The following ITM2B variants were observed in gnomAD, a reference collection of about 807,000 sequenced individuals.
ITM2B encodes ABri/ADan amyloid peptide.
In ITM2B, 11 loss-of-function variants were observed where a neutral mutation model predicts 27.8. The observed-to-expected ratio is 0.40, with a 90% confidence interval of 0.25 to 0.66. The LOEUF (loss-of-function observed/expected upper bound fraction) is 0.66. Among genes scored for constraint, ITM2B ranks in the 30% least tolerant of loss-of-function variants. The pLI, the probability that ITM2B is intolerant of heterozygous loss-of-function variation, is 0.43. For missense variants in ITM2B, 296 were observed against 328.9 expected (o/e 0.90, Z 0.77); for synonymous variants, 114 against 114.3 (o/e 1.00, Z 0.02).
intron 1 of ITM2B, among the ~76,000 whole-genome samples, chr13:48,252,036 G>C (rs1260075558): frequency 6.6e-6 from 1 of 152,060 alleles, no homozygotes; most frequent in Non-Finnish European, 1.5e-5. Context: ...ATAGTATATT[G>C]ACAAGTGCTA....
chr13:48,239,264 G>A (rs1214639062), intron 1 of ITM2B, among the ~76,000 whole-genome samples: 7 of 152,314 alleles, frequency 4.6e-5, no homozygotes, highest in African/African-American at 1.7e-4. Flanking sequence ...AAGCAGAGAA[G>A]GCAAATTCAG....
At chr13:48,250,347 C>A (rs890444483) in intron 1 of ITM2B, among the ~76,000 whole-genome samples, 1 of 152,028 alleles carries the variant, frequency 6.6e-6, no homozygotes, top group African/African-American at 2.4e-5. Flanking sequence ...TGGCCGGGTA[C>A]GGTGGCTCAA....
rs1194423536 is a variant in ITM2B at position 48,269,327 on chromosome 13, T to C, written c.*8103T>C. Reference sequence around the variant, plus strand: ...AAGCTGCTATCATCTCTTGCTTGGATTGGTGCAATGGCCTCACAACTGATC... The same window carrying C: ...AAGCTGCTATCATCTCTTGCTTGGACTGGTGCAATGGCCTCACAACTGATC... On this transcript the variant is annotated 3_prime_UTR_variant, in exon 6 of 6. Transcript: ENST00000647800. 1 of 152,278 alleles carries C rather than the reference T, an allele frequency of 6.6e-6. No homozygotes were observed. The highest frequency in any genetic ancestry group is 2.4e-5 in the African/African-American group (1 of 41,448). The allele number at this position is 152,278 out of a possible 1,614,324, so 9.4% of individuals were successfully genotyped here. A position where few individuals can be genotyped will look rare whatever the true frequency, so the allele number is the denominator to read the frequency against.
At chr13:48,254,011 T>C in intron 2 of ITM2B, 75 bp downstream of exon 2, 1 of 1,430,924 alleles carries the variant, frequency 7.0e-7, no homozygotes, top group Non-Finnish European at 9.8e-7. Context: ...ACAAAATTGT[T>C]TACAACTTGC....
At chr13:48,246,345 C>A (rs1951724637) in intron 1 of ITM2B, among the ~76,000 whole-genome samples, 1 of 152,144 alleles carries the variant, frequency 6.6e-6, no homozygotes. Flanking sequence ...ACGTGGACTT[C>A]CTCACTACAG....
chr13:48,252,532 C>T (rs1055516502), intron 1 of ITM2B, among the ~76,000 whole-genome samples: 3 of 152,164 alleles, frequency 2.0e-5, no homozygotes, highest in South Asian at 4.1e-4. Flanking sequence ...TGAGGTGGAA[C>T]GGTTTCACCC....
At position 48,253,936 on chromosome 13, in the gene ITM2B, A is replaced by G; in HGVS notation, c.246A>G (p.Gln82=). ...GAYLYKYFAL[Q]PDDVYYCGIK... The stretch of plus-strand genomic sequence containing the variant: ...ACTTGTACAAATATTTTGCACTTCA[A>G]GTAAGTGGAAAAATTATTTTGTGTC... The change falls in exon 2 of 6, where the codon CAA becomes CAG. Residue 82 remains glutamine (Q), a splice_region_variant and synonymous_variant. Coordinates refer to ENST00000647800, the MANE Select transcript of ITM2B (RefSeq NM_021999.5). The G allele has an allele frequency of 1.2e-6, 2 of 1,612,770 alleles. No individual in the cohort carries two copies. The highest frequency in any genetic ancestry group is 8.5e-7 in the Non-Finnish European group (1 of 1,179,390).
chr13:48,238,133 A>C (rs1218756577), intron 1 of ITM2B, among the ~76,000 whole-genome samples: 1 of 152,228 alleles, frequency 6.6e-6, no homozygotes, highest in Non-Finnish European at 1.5e-5. Flanking sequence ...GTCTTTTCCA[A>C]AGTAGACAGC....
intron 1 of ITM2B, among the ~76,000 whole-genome samples, chr13:48,252,449 C>A (rs1363207421): frequency 6.6e-6 from 1 of 152,132 alleles, no homozygotes; most frequent in Non-Finnish European, 1.5e-5. Context: ...GAGCGCAAAC[C>A]CTATTGTGAA....
At chr13:48,238,974 C>A (rs1951684447) in intron 1 of ITM2B, among the ~76,000 whole-genome samples, 1 of 152,078 alleles carries the variant, frequency 6.6e-6, no homozygotes, top group Non-Finnish European at 1.5e-5. Context: ...TAACTATTTT[C>A]TCTGCTTATA....
rs1399405503 is a variant in ITM2B, at chr13:48,251,911, A to T, written c.118-1897A>T. 2.0e-5 allele frequency among the ~76,000 whole-genome samples: 3 copies of T among 152,106 alleles called. No homozygotes were observed. In the East Asian group the frequency reaches 5.8e-4, roughly 29 times the overall value. Reference sequence around the variant, plus strand: ...TTCATAATACCTTATGACTCCATGGAATTCTTGTAGCTTTCTTTTCACAGC... The same window carrying T: ...TTCATAATACCTTATGACTCCATGGTATTCTTGTAGCTTTCTTTTCACAGC... On this transcript the variant is annotated intron_variant, in intron 1 of 5. Coordinates refer to ENST00000647800, the MANE Select transcript of ITM2B (RefSeq NM_021999.5).
chr13:48,234,979 A>G (rs1000498979), intron 1 of ITM2B, among the ~76,000 whole-genome samples: 2 of 151,840 alleles, frequency 1.3e-5, no homozygotes, highest in African/African-American at 4.9e-5. Context: ...TCCAGTCACA[A>G]CAGTCTCAAA....
intron 1 of ITM2B, among the ~76,000 whole-genome samples, chr13:48,241,835 G>A (rs962264489): frequency 3.3e-5 from 5 of 152,128 alleles, no homozygotes; most frequent in East Asian, 1.9e-4. Flanking sequence ...TAAACATAGC[G>A]AGAGAATGAA....
intron 1 of ITM2B, among the ~76,000 whole-genome samples, chr13:48,237,763 C>A (rs1335411522): frequency 1.3e-5 from 2 of 152,182 alleles, no homozygotes; most frequent in African/African-American, 4.8e-5. Flanking sequence ...TTTTATCATA[C>A]CATAACTTAA....
At chr13:48,249,293 G>A (rs1951739898) in intron 1 of ITM2B, among the ~76,000 whole-genome samples, 1 of 152,160 alleles carries the variant, frequency 6.6e-6, no homozygotes, top group African/African-American at 2.4e-5. Flanking sequence ...ATGTTTTTGA[G>A]ATTCAGTCCC....
chr13:48,235,808 G>T (rs949122879), intron 1 of ITM2B, among the ~76,000 whole-genome samples: 8 of 152,160 alleles, frequency 5.3e-5, no homozygotes, highest in Admixed American at 3.9e-4. Flanking sequence ...TCCTGAACAA[G>T]AATTTTTCTT....
Position 48,258,883 on chromosome 13 carries a change from CTTTA to C in ITM2B, c.657_660del (p.Tyr220AspfsTer43). 6.2e-7 allele frequency: 1 copy of C among 1,613,336 alleles called. No individual in the cohort carries two copies. The highest frequency in any genetic ancestry group is 8.5e-7 in the Non-Finnish European group (1 of 1,179,342). On this transcript the variant is annotated frameshift_variant, in exon 5 of 6. Coordinates refer to ENST00000647800, the MANE Select transcript of ITM2B (RefSeq NM_021999.5). LOFTEE classifies it high-confidence loss of function. ...TTGAAAACATTGATCACCTGGGTTTCTTTATTTATCGACTGTGTCATGACAAGGA... is the reference window on the plus strand; with the variant it reads ...TTGAAAACATTGATCACCTGGGTTTCTTTATCGACTGTGTCATGACAAGGA...
rs1951849169 is a variant in ITM2B at position 48,265,817 on chromosome 13, T to G, written c.*4593T>G. ...CAGGTGACCCTTCCTCAAGAGAAGA[T>G]TTTCCTGAACCATTAGGAAAGGCTT... On this transcript the variant is annotated 3_prime_UTR_variant, in exon 6 of 6. Transcript: ENST00000647800. The G allele has an allele frequency of 6.6e-6, 1 of 152,202 alleles. No homozygotes were observed. Among genetic ancestry groups the G allele is most frequent in the Non-Finnish European group, 1.5e-5 (1 of 68,036 alleles). 9.4% of individuals were successfully genotyped at this position (152,202 alleles called of 1,614,324 possible). A position where few individuals can be genotyped will look rare whatever the true frequency, so the allele number is the denominator to read the frequency against.
At chr13:48,250,539 A>C (rs1951749727) in intron 1 of ITM2B, among the ~76,000 whole-genome samples, 1 of 151,678 alleles carries the variant, frequency 6.6e-6, no homozygotes, top group Non-Finnish European at 1.5e-5. Flanking sequence ...AATGGTGTGA[A>C]CCCAGGAGGT....
Sources: gnomAD v4.1 joint callset for allele counts (sites outside exome capture counted in the v4.1 genomes callset) on GRCh38, gnomAD v4.1.1 for gene constraint, MANE v1.5 for transcripts, NCBI Gene and HGNC (gene_info 2026-07-23, HGNC 2026-07-21) for gene names.